KCTD2: variants seen among roughly 807,000 people sequenced by gnomAD.
KCTD2 encodes the protein BTB/POZ domain-containing protein KCTD2.
A neutral mutation model predicts 27.9 loss-of-function variants in KCTD2; 18 were observed. That is an observed-to-expected ratio of 0.64 (90% CI 0.45 to 0.96). The LOEUF is 0.96. Ranked by LOEUF, KCTD2 falls within the 40% of genes least tolerant of loss-of-function variation. The probability of loss-of-function intolerance (pLI) is 0.00; values close to 1 mark genes in which losing one functional copy is unlikely to be tolerated. For synonymous variants in KCTD2, 175 were observed against 148.4 expected, an observed-to-expected ratio of 1.18 and a Z score of -1.30; for missense variants, 280 against 348.0, an observed-to-expected ratio of 0.80 and a Z score of 1.56.
chr17:75,039,089 T>A, intron 3 of KCTD2: 1 of 1,613,436 alleles, frequency 6.2e-7, no homozygotes, highest in Non-Finnish European at 8.5e-7. Context: ...ATGTGTTTAG[T>A]TAATGTAAAC....
At chr17:75,060,182 T>G (rs193285700) in intron 4 of KCTD2, among the ~76,000 whole-genome samples, 2 of 152,288 alleles carry the variant, frequency 1.3e-5, no homozygotes, top group Admixed American at 1.3e-4. Flanking sequence ...CTTGTTAAAT[T>G]CTGTTGCCTT....
At chr17:75,045,913 T>C (rs989663559), upstream of KCTD2, among the ~76,000 whole-genome samples, 10 of 152,232 alleles carry the variant, frequency 6.6e-5, no homozygotes, top group African/African-American at 1.4e-4. Context: ...TGTTTAGAGA[T>C]TGCAGTAAAG....
At chr17:75,047,874 C>G (rs1394672473) in intron 1 of KCTD2, among the ~76,000 whole-genome samples, 2 of 152,172 alleles carry the variant, frequency 1.3e-5, no homozygotes, top group Non-Finnish European at 2.9e-5. Context: ...ACTCCACACC[C>G]CTTCTCCATA....
At position 75,054,212 on chromosome 17, in the gene KCTD2, C is replaced by T. The variant is rs1001731694; in HGVS notation, c.540+1107C>T. ...TTTTGTATTTTGGGTAGAAACGAGC[C>T]TTGTTGGCCAGGCTGGTCTCAAACT... On this transcript the variant is annotated intron_variant, in intron 3 of 5. Coordinates refer to ENST00000322444, the MANE Select transcript of KCTD2 (RefSeq NM_015353.3). 5.3e-5 allele frequency among the ~76,000 whole-genome samples: 8 copies of T among 151,746 alleles called. 1 individual carries two copies. The South Asian group carries it at 1.5e-3, about 28-fold the overall frequency.
intron 3 of KCTD2, chr17:75,040,552 G>C (rs1410278817): frequency 4.3e-6 from 1 of 230,042 alleles, no homozygotes; most frequent in African/African-American, 2.3e-5. Flanking sequence ...GAGCTGACTG[G>C]TGGAAGGAGC....
At chr17:75,050,875 C>G (rs1310031101) in intron 2 of KCTD2, among the ~76,000 whole-genome samples, 1 of 151,520 alleles carries the variant, frequency 6.6e-6, no homozygotes, top group African/African-American at 2.4e-5. Flanking sequence ...CAGAGTCTAT[C>G]TTATCTTGCC....
chr17:75,042,060 G>T (rs548042479), intron 3 of KCTD2: 1 of 813,910 alleles, frequency 1.2e-6, no homozygotes, highest in Non-Finnish European at 1.9e-6. Context: ...TTGGCCATAC[G>T]CATCCTTCCT....
Position 75,047,233 on chromosome 17 carries a change from T to G in KCTD2, c.-18T>G. On this transcript the variant is annotated 5_prime_UTR_variant, in exon 1 of 6. Transcript: ENST00000322444. The stretch of plus-strand genomic sequence containing the variant: ...CCCGGCTGCGCGCGGGCAGCAGCGG[T>G]GGCGGCGGCGGTCCAAGATGGCGGA... The G allele has an allele frequency of 3.0e-6, 2 of 662,294 alleles. No individual in the cohort carries two copies. The highest frequency in any genetic ancestry group is 3.8e-6 in the Non-Finnish European group (2 of 525,248). The allele number at this position is 662,294 out of a possible 1,614,324, so 41.0% of individuals were successfully genotyped here.
upstream of KCTD2, among the ~76,000 whole-genome samples, chr17:75,044,291 C>T (rs578240196): frequency 7.9e-5 from 9 of 114,548 alleles, 3 homozygotes; most frequent in East Asian, 2.3e-3. Flanking sequence ...CTGCAAACTC[C>T]GCTTCCCGGG....
rs2073428985 is a variant in KCTD2 at position 75,063,788 on chromosome 17, A to G, written c.*741A>G. ...TTCCCTCCAAGAAGAGGTTTGAGACAGGCGGCATCCTGCACTGAGTCAGAC... is the reference window on the plus strand; with the variant it reads ...TTCCCTCCAAGAAGAGGTTTGAGACGGGCGGCATCCTGCACTGAGTCAGAC... On this transcript the variant is annotated 3_prime_UTR_variant, in exon 6 of 6. Coordinates refer to ENST00000322444, the MANE Select transcript of KCTD2 (RefSeq NM_015353.3). 1 of 149,978 alleles carries G rather than the reference A, an allele frequency of 6.7e-6. No homozygotes were observed. The highest frequency in any genetic ancestry group is 2.3e-4 in the East Asian group (1 of 4,258). 9.3% of individuals were successfully genotyped at this position (149,978 alleles called of 1,614,324 possible). A position where few individuals can be genotyped will look rare whatever the true frequency, so the allele number is the denominator to read the frequency against.
rs556137080 is a variant in KCTD2 at position 75,052,886 on chromosome 17, TC to T, written c.449-126del. The T allele has an allele frequency of 4.6e-4, 331 of 724,376 alleles. 1 individual carries two copies. In the African/African-American group the frequency reaches 5.0e-3, roughly 11 times the overall value. 44.9% of individuals were successfully genotyped at this position (724,376 alleles called of 1,614,324 possible). ...TCCAGCCTGGGCGACAGAGTAAGAC[TC>T]CGTCTCAAAAAATAAGTAAATAAAT... is the stretch of plus-strand genomic sequence containing the variant. On this transcript the variant is annotated intron_variant, in intron 2 of 5. Coordinates refer to ENST00000322444, the MANE Select transcript of KCTD2 (RefSeq NM_015353.3).
chr17:75,061,897 G>A (rs1474395828), intron 4 of KCTD2, among the ~76,000 whole-genome samples: 1 of 152,136 alleles, frequency 6.6e-6, no homozygotes, highest in African/African-American at 2.4e-5. Flanking sequence ...TGAGGGGACA[G>A]TGGAGCTCAT....
At chr17:75,057,555 CTTTTT>C (rs531046978) in intron 3 of KCTD2, among the ~76,000 whole-genome samples, 1 of 133,368 alleles carries the variant, frequency 7.5e-6, no homozygotes, top group Non-Finnish European at 1.6e-5. Context: ...AGCTATACCT[CTTTTT>C]TTTTTTTTTT....
Position 75,065,233 on chromosome 17 carries a change from C to G in KCTD2, c.*2186C>G, listed in dbSNP as rs1259995861. On this transcript the variant is annotated 3_prime_UTR_variant, in exon 6 of 6. Coordinates refer to ENST00000322444, the MANE Select transcript of KCTD2 (RefSeq NM_015353.3). Reference sequence around the variant, plus strand: ...CGGAGGGCTGGTGTTCACCAAGTTTCCCTCCTCGCTGCAACCCAATGACAC... The same window carrying G: ...CGGAGGGCTGGTGTTCACCAAGTTTGCCTCCTCGCTGCAACCCAATGACAC... The G allele has an allele frequency of 6.6e-6, 1 of 152,240 alleles. No homozygotes were observed. Among genetic ancestry groups the G allele is most frequent in the Non-Finnish European group, 1.5e-5 (1 of 68,056 alleles). The allele number at this position is 152,240 out of a possible 1,614,324, so 9.4% of individuals were successfully genotyped here.
intron 4 of KCTD2, among the ~76,000 whole-genome samples, chr17:75,060,339 T>TTC (rs2073391418): frequency 6.6e-6 from 1 of 152,172 alleles, no homozygotes; most frequent in Non-Finnish European, 1.5e-5. Flanking sequence ...AGCTGTGGTG[T>TTC]CCACTGGAAA....
At chr17:75,039,294 A>C in intron 3 of KCTD2, 6 of 1,612,074 alleles carry the variant, frequency 3.7e-6, no homozygotes, top group Non-Finnish European at 5.1e-6. Flanking sequence ...AGAGAAATTC[A>C]GTTCTGAAAC....
chr17:75,052,503 C>A (rs917853131), intron 2 of KCTD2, among the ~76,000 whole-genome samples: 7 of 152,240 alleles, frequency 4.6e-5, no homozygotes, highest in Non-Finnish European at 2.9e-5. Flanking sequence ...AGATGGATCA[C>A]CTGAGGTCAG....
At chr17:75,054,514 G>A (rs987397756) in intron 3 of KCTD2, among the ~76,000 whole-genome samples, 5 of 152,144 alleles carry the variant, frequency 3.3e-5, no homozygotes, top group Non-Finnish European at 7.4e-5. Flanking sequence ...CCCTCAAGAA[G>A]CTTGAAGTCG....
At chr17:75,057,707 G>A (rs112269925) in intron 3 of KCTD2, among the ~76,000 whole-genome samples, 14,391 of 151,678 alleles carry the variant, frequency 0.095, 1,496 homozygotes, top group East Asian at 0.61. Context: ...TTACAGGCAC[G>A]TGCCACCTCA....
Sources: gnomAD v4.1 joint callset for allele counts (sites outside exome capture counted in the v4.1 genomes callset) on GRCh38, gnomAD v4.1.1 for gene constraint, MANE v1.5 for transcripts, NCBI Gene and HGNC (gene_info 2026-07-23, HGNC 2026-07-21) for gene names.